The following NUTM2G variants were observed in gnomAD, a reference collection of about 807,000 sequenced individuals.
NUTM2G encodes the protein NUT family member 2G.
In NUTM2G, 29 loss-of-function variants were observed where a neutral mutation model predicts 44.3. The ratio of observed to expected loss-of-function variants is 0.66; its 90% CI spans 0.49 to 0.89. The LOEUF (loss-of-function observed/expected upper bound fraction) is 0.89. Among genes scored for constraint, NUTM2G ranks in the 40% least tolerant of loss-of-function variants. The pLI, the probability that NUTM2G is intolerant of heterozygous loss-of-function variation, is 0.00. For synonymous variants in NUTM2G, 205 were observed against 395.9 expected (o/e 0.52, Z 5.72); for missense variants, 502 against 946.5 (o/e 0.53, Z 6.16).
In NUTM2G at chr9:96,929,049, G is replaced by C. The variant is rs1168377551; in HGVS notation, c.16+9G>C. ...GATGGCTTCAAATGGAGGTGAGCCTGTAGGGATGGGGCATTATCCTAGTCT... is the reference window on the plus strand; with the variant it reads ...GATGGCTTCAAATGGAGGTGAGCCTCTAGGGATGGGGCATTATCCTAGTCT... On this transcript the variant is annotated intron_variant, in intron 1 of 6. Coordinates refer to ENST00000372322, the MANE Select transcript of NUTM2G (RefSeq NM_001170741.3). 6.2e-7 allele frequency: 1 copy of C among 1,610,686 alleles called. No individual in the cohort carries two copies. Among genetic ancestry groups the C allele is most frequent in the Non-Finnish European group, 8.5e-7 (1 of 1,179,644 alleles).
At chr9:96,936,866 C>G (rs1248340745) in intron 4 of NUTM2G, among the ~76,000 whole-genome samples, 198 bp from the exon 5 acceptor site, 1 of 152,192 alleles carries the variant, frequency 6.6e-6, no homozygotes, top group East Asian at 1.9e-4. Flanking sequence ...CACGGCATAT[C>G]GGTGGCTCCA....
At chr9:96,931,239 A>C (rs1282787472) in intron 1 of NUTM2G, among the ~76,000 whole-genome samples, 2 of 151,570 alleles carry the variant, frequency 1.3e-5, no homozygotes, top group African/African-American at 2.4e-5. Flanking sequence ...AGGGGTTTAC[A>C]AGAGCTTCAG....
chr9:96,934,487 G>A (rs1392428803), intron 2 of NUTM2G, among the ~76,000 whole-genome samples: 2 of 151,974 alleles, frequency 1.3e-5, no homozygotes, highest in African/African-American at 2.4e-5. Context: ...GGGCTCACAG[G>A]CCTTTGCCTT....
At position 96,931,982 on chromosome 9, in the gene NUTM2G, A is replaced by T; in HGVS notation, c.277A>T (p.Lys93Ter). The part of the protein sequence containing the change: ...VQMRTEVGPV[K>*]PPQAQTLILT... ...GATGAGGACAGAAGTGGGGCCTGTG[A>T]AGCCCCCTCAGGCACAGACCTTGAT... Residue 93 changes from lysine (K) to a stop codon, truncating the protein, a stop_gained, in exon 2 of 7, where the codon AAG becomes TAG. Transcript: ENST00000372322. LOFTEE classifies it high-confidence loss of function. 6.2e-7 allele frequency: 1 copy of T among 1,611,408 alleles called. No homozygotes were observed. Among genetic ancestry groups the T allele is most frequent in the Admixed American group, 1.7e-5 (1 of 59,948 alleles).
rs1826250062 is a variant in NUTM2G, at chr9:96,931,768, CCTGT to C, written c.68_71del (p.Ser23CysfsTer21). 3.7e-6 allele frequency: 6 copies of C among 1,611,680 alleles called. No individual in the cohort carries two copies. Among genetic ancestry groups the C allele is most frequent in the Middle Eastern group, 2.2e-4 (1 of 4,496 alleles). ...GCGTGACCGTGAACCCTGGCACCTC[CCTGT>C]CTGTGTTCACGGCTCTGCCCTTTGC... On this transcript the variant is annotated frameshift_variant, in exon 2 of 7. Coordinates refer to ENST00000372322, the MANE Select transcript of NUTM2G (RefSeq NM_001170741.3). LOFTEE classifies it high-confidence loss of function.
At chr9:96,936,025 C>G (rs1256261431) in intron 3 of NUTM2G, among the ~76,000 whole-genome samples, 1 of 149,850 alleles carries the variant, frequency 6.7e-6, no homozygotes, top group Non-Finnish European at 1.5e-5. Flanking sequence ...GACCAGGGGT[C>G]TCCCGGGCCT....
chr9:96,930,871 G>GTT (rs1310362219), intron 1 of NUTM2G, among the ~76,000 whole-genome samples: 3 of 104,448 alleles, frequency 2.9e-5, no homozygotes, highest in African/African-American at 1.1e-4. Flanking sequence ...TCCATCCAGT[G>GTT]GTTTTTTTTT....
At chr9:96,931,222 G>A (rs1471895727) in intron 1 of NUTM2G, among the ~76,000 whole-genome samples, 1 of 151,760 alleles carries the variant, frequency 6.6e-6, no homozygotes, top group Non-Finnish European at 1.5e-5. Flanking sequence ...GTTGAGCTAG[G>A]AAAGAAAGGG....
intron 2 of NUTM2G, 118 bp from the exon 3 acceptor site, chr9:96,935,210 C>G (rs1300526538): frequency 3.9e-5 from 58 of 1,502,152 alleles, no homozygotes; most frequent in Non-Finnish European, 5.2e-5. Flanking sequence ...TGGGGGAGAA[C>G]AGGACAGGGA....
Position 96,936,452 on chromosome 9 carries a change from G to T in NUTM2G, c.870G>T (p.Glu290Asp), listed in dbSNP as rs1278810715. The change falls in exon 4 of 7, where the codon GAG (glutamate) becomes GAT (aspartate). Residue 290 changes from glutamate to aspartate, a missense_variant. By Grantham distance (45) the Glu-to-Asp change is conservative. Coordinates refer to ENST00000372322, the MANE Select transcript of NUTM2G (RefSeq NM_001170741.3). The part of the protein sequence containing the change: ...AKFLEFEAEE[E>D]MQIQKSQWMK... Reference sequence around the variant, plus strand: ...TCCTGGAGTTTGAGGCTGAGGAGGAGATGCAGATTCAGAAATCGCAGTGGA... The same window carrying T: ...TCCTGGAGTTTGAGGCTGAGGAGGATATGCAGATTCAGAAATCGCAGTGGA... 3 of 1,577,704 alleles carry T rather than the reference G, an allele frequency of 1.9e-6. No homozygotes were observed. The South Asian group carries it at 3.4e-5, about 18-fold the overall frequency.
intron 6 of NUTM2G, 26 bp downstream of exon 6, chr9:96,938,027 C>T (rs1456187089): frequency 6.2e-7 from 1 of 1,612,226 alleles, no homozygotes; most frequent in Non-Finnish European, 8.5e-7. Context: ...GAGGGGAACC[C>T]AGGTACTCCA....
At chr9:96,938,084 C>G in intron 6 of NUTM2G, 83 bp downstream of exon 6, 1 of 1,569,164 alleles carries the variant, frequency 6.4e-7, no homozygotes, top group South Asian at 1.1e-5. Flanking sequence ...CTGTCTAAGC[C>G]CACCCTGCTG....
intron 1 of NUTM2G, among the ~76,000 whole-genome samples, chr9:96,931,132 C>T (rs894345519): frequency 5.0e-4 from 76 of 152,156 alleles, no homozygotes; most frequent in Middle Eastern, 3.4e-3. Flanking sequence ...AGGTGATCCA[C>T]CCGCCTGGGC....
chr9:96,938,132 G>A, intron 6 of NUTM2G, 131 bp downstream of exon 6: 1 of 734,814 alleles, frequency 1.4e-6, no homozygotes, highest in Non-Finnish European at 2.3e-6. Flanking sequence ...TCCGGGGTGG[G>A]AAGATGCAGG....
chr9:96,931,807 T>C lies in NUTM2G; in HGVS notation c.102T>C (p.Ser34=), dbSNP rs1348414612. ...VFTALPFATP[S]PGPTHRPPLV... The stretch of plus-strand genomic sequence containing the variant: ...CGGCTCTGCCCTTTGCCACACCCTC[T>C]CCCGGCCCAACACACAGGCCGCCCC... The change falls in exon 2 of 7, where the codon TCT becomes TCC. Residue 34 remains serine (S), a synonymous_variant. Coordinates refer to ENST00000372322, the MANE Select transcript of NUTM2G (RefSeq NM_001170741.3). The C allele has an allele frequency of 2.5e-6, 4 of 1,611,644 alleles. No homozygotes were observed. The highest frequency in any genetic ancestry group is 3.4e-6 in the Non-Finnish European group (4 of 1,179,860).
At chr9:96,941,261 A>C (rs1163613080), downstream of NUTM2G, among the ~76,000 whole-genome samples, 1 of 148,140 alleles carries the variant, frequency 6.8e-6, no homozygotes, top group Non-Finnish European at 1.5e-5. Context: ...AGCCATTTCC[A>C]AGAGGCAGAA....
chr9:96,931,635 T>G, intron 1 of NUTM2G, 87 bp from the exon 2 acceptor site: 2 of 1,472,894 alleles, frequency 1.4e-6, no homozygotes, highest in Non-Finnish European at 1.9e-6. Flanking sequence ...TCACATGCCC[T>G]CAGCTGTTGG....
chr9:96,937,941 G>T lies in NUTM2G; in HGVS notation c.1380G>T (p.Gln460His), dbSNP rs549272120. 1.5e-5 allele frequency: 24 copies of T among 1,611,954 alleles called. No individual in the cohort carries two copies. The East Asian group carries it at 2.2e-4, about 15-fold the overall frequency. Residue 460 changes from glutamine (Q) to histidine (H), a missense_variant, in exon 6 of 7, where the codon CAG becomes CAT. Physicochemically the swap from Gln to His is conservative, Grantham distance 24 (BLOSUM62 0). Coordinates refer to ENST00000372322, the MANE Select transcript of NUTM2G (RefSeq NM_001170741.3). ...FLEELLSPDPQMDFLALSQEL... is the reference protein window; with the variant it reads ...FLEELLSPDPHMDFLALSQEL... ...AAGAATTGCTTTCCCCAGATCCACAGATGGATTTCTTGGCCCTAAGCCAGG... is the reference window on the plus strand; with the variant it reads ...AAGAATTGCTTTCCCCAGATCCACATATGGATTTCTTGGCCCTAAGCCAGG...
chr9:96,936,502 C>T lies in NUTM2G; in HGVS notation c.920C>T (p.Pro307Leu), dbSNP rs1300909716. The T allele has an allele frequency of 1.9e-6, 3 of 1,549,558 alleles. No homozygotes were observed. Reference sequence around the variant, plus strand: ...ATGAAGGGGCCCCAGAGCCTGCCTCCTCCAGCCCCGCCGAGGCTTGAACCT... The same window carrying T: ...ATGAAGGGGCCCCAGAGCCTGCCTCTTCCAGCCCCGCCGAGGCTTGAACCT... ...QWMKGPQSLPPPAPPRLEPRG... is the reference protein window; with the variant it reads ...QWMKGPQSLPLPAPPRLEPRG... Residue 307 changes from proline (P) to leucine (L), a missense_variant, in exon 4 of 7, where the codon CCT becomes CTT. By Grantham distance (98) the Pro-to-Leu change is moderately conservative. Coordinates refer to ENST00000372322, the MANE Select transcript of NUTM2G (RefSeq NM_001170741.3).
Sources: gnomAD v4.1 joint callset for allele counts (sites outside exome capture counted in the v4.1 genomes callset) on GRCh38, gnomAD v4.1.1 for gene constraint, MANE v1.5 for transcripts, NCBI Gene and HGNC (gene_info 2026-07-23, HGNC 2026-07-21) for gene names.